Variants in CCDC93 observed in about 807,000 individuals in gnomAD.
CCDC93 encodes the protein CCC complex scaffolding subunit CCDC93.
Under a neutral mutation model 108.2 loss-of-function variants are expected in CCDC93, and 61 were observed. The ratio of observed to expected loss-of-function variants is 0.56; its 90% CI spans 0.46 to 0.70. The LOEUF (loss-of-function observed/expected upper bound fraction) is 0.70, where lower values mean the gene tolerates loss of function less well. Among genes scored for constraint, CCDC93 ranks in the 30% least tolerant of loss-of-function variants. CCDC93 has a pLI of 0.00. For synonymous variants in CCDC93, 276 were observed against 260.4 expected (o/e 1.06, Z -0.58); for missense variants, 685 against 764.2 (o/e 0.90, Z 1.22).
chr2:117,973,776 T>A (rs1328899329), intron 11 of CCDC93, 132 bp downstream of exon 11: 11 of 696,680 alleles, frequency 1.6e-5, no homozygotes, highest in Non-Finnish European at 2.3e-5. Context: ...AAGCCCAGTG[T>A]GTTTCTGACT....
chr2:117,988,729 A>G (rs1048552732), intron 6 of CCDC93, among the ~76,000 whole-genome samples: 21 of 152,242 alleles, frequency 1.4e-4, no homozygotes, highest in Admixed American at 1.4e-3. Context: ...AAATTCTCAC[A>G]TTAATAAAAT....
Position 117,954,237 on chromosome 2 carries a change from A to T in CCDC93, c.1006-1802T>A, listed in dbSNP as rs575035322. Among the ~76,000 whole-genome samples the T allele has an allele frequency of 1.6e-4, 24 of 152,288 alleles. No individual in the cohort carries two copies. In the South Asian group the frequency reaches 5.0e-3, roughly 32 times the overall value. ...TGAGGTGTATGGGAGAAAGAAAAGA[A>T]CATGACATTGTAACTGTGGGATTAA... is the stretch of plus-strand genomic sequence containing the variant. On this transcript the variant is annotated intron_variant, in intron 12 of 23. Coordinates refer to ENST00000376300, the MANE Select transcript of CCDC93 (RefSeq NM_019044.5).
chr2:117,923,142 A>G (rs1218819435), intron 23 of CCDC93, among the ~76,000 whole-genome samples: 3 of 152,238 alleles, frequency 2.0e-5, no homozygotes, highest in African/African-American at 7.2e-5. Flanking sequence ...GGGTGGAACC[A>G]AGATGGCCGA....
intron 6 of CCDC93, among the ~76,000 whole-genome samples, chr2:117,993,554 TCTCTC>T (rs1680552672): frequency 6.6e-6 from 1 of 152,140 alleles, no homozygotes; most frequent in South Asian, 2.1e-4. Flanking sequence ...AATTTCCCCT[TCTCTC>T]CTGCTGCTGG....
At chr2:118,013,904 C>T in intron 1 of CCDC93, 50 bp downstream of exon 1, 1 of 1,500,190 alleles carries the variant, frequency 6.7e-7, no homozygotes, top group South Asian at 1.2e-5. Context: ...CGCGGCTCGG[C>T]CCTCTCTTCA....
intron 7 of CCDC93, among the ~76,000 whole-genome samples, chr2:117,978,822 A>G (rs1680025129): frequency 6.6e-6 from 1 of 152,140 alleles, no homozygotes; most frequent in South Asian, 2.1e-4. Flanking sequence ...AGCCTGGCCA[A>G]CATGGTGAAA....
At chr2:118,012,989 C>A (rs533223560) in intron 1 of CCDC93, 1 of 152,188 alleles carries the variant, frequency 6.6e-6, no homozygotes, top group Admixed American at 6.5e-5. Flanking sequence ...GTCACCCTGC[C>A]CAATGCCTGC....
chr2:117,980,812 A>G (rs1421601692), intron 7 of CCDC93, among the ~76,000 whole-genome samples: 1 of 152,206 alleles, frequency 6.6e-6, no homozygotes, highest in Non-Finnish European at 1.5e-5. Context: ...AAGCTCCATC[A>G]CCTCAAAAAG....
chr2:118,013,977 G>T lies in CCDC93; in HGVS notation c.19C>A (p.Pro7Thr). 2 of 1,594,306 alleles carry T rather than the reference G, an allele frequency of 1.3e-6. No homozygotes were observed. The highest frequency in any genetic ancestry group is 2.3e-5 in the South Asian group (2 of 87,318). The change falls in exon 1 of 24, where the codon CCG becomes ACG. Residue 7 changes from proline to threonine, a missense_variant. Physicochemically the swap from Pro to Thr is conservative, Grantham distance 38 (BLOSUM62 -1). Coordinates refer to ENST00000376300, the MANE Select transcript of CCDC93 (RefSeq NM_019044.5). ...ACCTCCGGGAGACCCTGGCCCTCCG[G>T]CCCCCTGGGCAACCCCATGATCCGA... MGLPRG[P>T]EGQGLPEVET...
At chr2:117,977,379 CA>C (rs1679976338) in intron 8 of CCDC93, among the ~76,000 whole-genome samples, 2 of 152,174 alleles carry the variant, frequency 1.3e-5, no homozygotes, top group Non-Finnish European at 2.9e-5. Flanking sequence ...ACATCCTCCT[CA>C]TAGAGTTGTT....
At chr2:117,992,167 A>G (rs1385832458) in intron 6 of CCDC93, among the ~76,000 whole-genome samples, 1 of 152,240 alleles carries the variant, frequency 6.6e-6, no homozygotes. Context: ...ACTGAGGATT[A>G]AGTTCACTCA....
chr2:117,941,833 A>G (rs1488347370), intron 18 of CCDC93, among the ~76,000 whole-genome samples: 1 of 152,178 alleles, frequency 6.6e-6, no homozygotes, highest in Non-Finnish European at 1.5e-5. Flanking sequence ...GAGGCATGGC[A>G]CTGCTGTGTG....
At chr2:117,997,306 G>A (rs994869982) in intron 4 of CCDC93, 9 of 152,220 alleles carry the variant, frequency 5.9e-5, no homozygotes. Flanking sequence ...AGGGTGTAAA[G>A]TGTAAAAAGA....
intron 7 of CCDC93, among the ~76,000 whole-genome samples, chr2:117,980,875 T>C (rs1364430868): frequency 6.6e-6 from 1 of 152,190 alleles, no homozygotes. Flanking sequence ...TCCCAGCCCT[T>C]GGCTACCACT....
chr2:117,927,895 C>G (rs1678177641), intron 23 of CCDC93, among the ~76,000 whole-genome samples: 1 of 152,164 alleles, frequency 6.6e-6, no homozygotes, highest in Admixed American at 6.5e-5. Flanking sequence ...CAGCATGGTA[C>G]TGGTACCAAA....
At chr2:117,981,843 ACAC>A (rs1312044195) in intron 7 of CCDC93, among the ~76,000 whole-genome samples, 3 of 152,184 alleles carry the variant, frequency 2.0e-5, no homozygotes, top group Non-Finnish European at 4.4e-5. Context: ...ACCATACTGG[ACAC>A]CACAATTCTA....
intron 13 of CCDC93, chr2:117,951,241 C>T: frequency 1.0e-6 from 1 of 985,366 alleles, no homozygotes; most frequent in Non-Finnish European, 1.2e-6. Context: ...GGGCTCCCAA[C>T]CCGCAGAGCT....
At chr2:117,944,510 A>G (rs1678805245) in intron 17 of CCDC93, among the ~76,000 whole-genome samples, 1 of 152,176 alleles carries the variant, frequency 6.6e-6, no homozygotes, top group Non-Finnish European at 1.5e-5. Flanking sequence ...GACAGTGCGG[A>G]ACAGAACATT....
Position 117,948,161 on chromosome 2 carries a change from C to T in CCDC93, c.1168G>A (p.Val390Ile). 6.2e-7 allele frequency: 1 copy of T among 1,613,666 alleles called. No homozygotes were observed. Among genetic ancestry groups the T allele is most frequent in the Non-Finnish European group, 8.5e-7 (1 of 1,179,642 alleles). Residue 390 changes from valine to isoleucine, a missense_variant, in exon 15 of 24, where the codon GTA becomes ATA. By Grantham distance (29) the Val-to-Ile change is conservative. Transcript: ENST00000376300. Reference sequence around the variant, plus strand: ...CTTTTCAGATTTTCATTCATGGCTACAAGTGCTCTCAGGTTCTGTAGGATA... The same window carrying T: ...CTTTTCAGATTTTCATTCATGGCTATAAGTGCTCTCAGGTTCTGTAGGATA... ...PSILQNLRAL[V>I]AMNENLKSQE...
Sources: allele counts gnomAD v4.1 joint callset (sites outside exome capture counted in the v4.1 genomes callset), GRCh38; gene constraint gnomAD v4.1.1; transcripts MANE v1.5; gene names NCBI Gene and HGNC (gene_info 2026-07-23, HGNC 2026-07-21).